The following SCEL variants were observed in gnomAD, a reference collection of about 807,000 sequenced individuals.
The protein encoded by SCEL is sciellin.
SCEL carries 113 observed loss-of-function variants against 117.6 expected under a neutral mutation model. The ratio of observed to expected loss-of-function variants is 0.96; its 90% CI spans 0.83 to 1.12. SCEL has a LOEUF of 1.12. Ranked by LOEUF, SCEL falls within the 50% of genes most tolerant of loss-of-function variation. The pLI is 0.00. For synonymous variants in SCEL, 270 were observed against 256.2 expected (o/e 1.05, Z -0.51); for missense variants, 785 against 810.8 (o/e 0.97, Z 0.39).
At chr13:77,627,226 C>T (rs1323571998) in intron 27 of SCEL, among the ~76,000 whole-genome samples, 2 of 151,580 alleles carry the variant, frequency 1.3e-5, no homozygotes, top group Non-Finnish European at 2.9e-5. Context: ...TTGACTCTTC[C>T]AAAAATTAAT....
In SCEL at chr13:77,610,033, T is replaced by C. The variant is rs1467598938; in HGVS notation, c.1278-14T>C. The C allele has an allele frequency of 6.3e-7, 1 of 1,595,480 alleles. No individual in the cohort carries two copies. Among genetic ancestry groups the C allele is most frequent in the Non-Finnish European group, 8.6e-7 (1 of 1,166,894 alleles). ...TTTAAATCTACCACTGATCTGATTTTCTATGTTTTTAAGGGGCCAAAGTCT... is the reference window on the plus strand; with the variant it reads ...TTTAAATCTACCACTGATCTGATTTCCTATGTTTTTAAGGGGCCAAAGTCT... On this transcript the variant is annotated splice_polypyrimidine_tract_variant and intron_variant, in intron 21 of 32. Coordinates refer to ENST00000349847, the MANE Select transcript of SCEL (RefSeq NM_144777.3).
chr13:77,563,545 G>A (rs1399669381), intron 4 of SCEL, among the ~76,000 whole-genome samples: 1 of 152,150 alleles, frequency 6.6e-6, no homozygotes, highest in Non-Finnish European at 1.5e-5. Flanking sequence ...TGTTTGTTGT[G>A]TTGTATGATT....
At chr13:77,641,631 G>C (rs1024097534) in intron 31 of SCEL, among the ~76,000 whole-genome samples, 13 of 152,110 alleles carry the variant, frequency 8.5e-5, no homozygotes, top group African/African-American at 3.1e-4. Context: ...TGATTATTGG[G>C]CATTGGTATT....
rs1182056310 is a variant in SCEL at position 77,574,035 on chromosome 13, A to C, written c.545+1846A>C. Among the ~76,000 whole-genome samples, 3 of 152,222 alleles carry C rather than the reference A, an allele frequency of 2.0e-5. No individual in the cohort carries two copies. The East Asian group carries it at 5.8e-4, about 29-fold the overall frequency. Reference sequence around the variant, plus strand: ...GATCCATTCAATTTTGTCTTGATAGAGAATAACTGGTACTTTTCTTAGATA... The same window carrying C: ...GATCCATTCAATTTTGTCTTGATAGCGAATAACTGGTACTTTTCTTAGATA... On this transcript the variant is annotated intron_variant, in intron 9 of 32. Coordinates refer to ENST00000349847, the MANE Select transcript of SCEL (RefSeq NM_144777.3).
intron 15 of SCEL, among the ~76,000 whole-genome samples, chr13:77,601,167 T>G (rs1032660736): frequency 2.7e-5 from 4 of 150,174 alleles, no homozygotes; most frequent in African/African-American, 9.9e-5. Context: ...ATAGATGAGG[T>G]TCCAGATATT....
At chr13:77,612,782 T>C in intron 22 of SCEL, 109 bp from the exon 23 acceptor site, 1 of 586,986 alleles carries the variant, frequency 1.7e-6, no homozygotes, top group Non-Finnish European at 2.9e-6. Context: ...AGTTTAAGTA[T>C]AGATGAAGTT....
intron 9 of SCEL, among the ~76,000 whole-genome samples, chr13:77,580,552 A>T (rs569086913): frequency 6.6e-6 from 1 of 152,334 alleles, no homozygotes; most frequent in South Asian, 2.1e-4. Context: ...GGTAAATTCA[A>T]ATGATTCTAA....
At chr13:77,617,493 C>A in intron 24 of SCEL, 106 bp from the exon 25 acceptor site, 1 of 650,410 alleles carries the variant, frequency 1.5e-6, no homozygotes. Flanking sequence ...TTAGTCAATA[C>A]TAAAATAATA....
chr13:77,637,267 T>C (rs2016417), intron 30 of SCEL, 73 bp downstream of exon 30: 272,086 of 388,120 alleles, frequency 0.7, 98,098 homozygotes, highest in Non-Finnish European at 0.76. Context: ...TATATATATA[T>C]ACACACACAC....
At position 77,608,098 on chromosome 13, in the gene SCEL, A is replaced by G. The variant is rs2088356227; in HGVS notation, c.1200A>G (p.Val400=). Residue 400 remains valine (V), a synonymous_variant, in exon 20 of 33, where the codon GTA becomes GTG. Coordinates refer to ENST00000349847, the MANE Select transcript of SCEL (RefSeq NM_144777.3). ...LDNLIKVTPE[V]KRSNQGSKDL... Reference sequence around the variant, plus strand: ...ATCTCATCAAAGTGACCCCTGAAGTAAAGAGAAGTAACCAAGGGTGAGGAC... The same window carrying G: ...ATCTCATCAAAGTGACCCCTGAAGTGAAGAGAAGTAACCAAGGGTGAGGAC... 2.5e-6 allele frequency: 4 copies of G among 1,613,046 alleles called. No homozygotes were observed. In the African/African-American group the frequency reaches 4.0e-5, roughly 16 times the overall value.
chr13:77,614,032 C>A (rs569928230), intron 24 of SCEL, 77 bp downstream of exon 24: 741 of 1,170,620 alleles, frequency 6.3e-4, no homozygotes, highest in Non-Finnish European at 8.3e-4. Context: ...TAGAATTATT[C>A]TATGGGCAAA....
intron 28 of SCEL, among the ~76,000 whole-genome samples, chr13:77,633,202 C>A (rs929425896): frequency 4.0e-5 from 6 of 148,616 alleles, no homozygotes; most frequent in Non-Finnish European, 8.9e-5. Flanking sequence ...TTTGGGAGGC[C>A]GAGGCGGGTG....
In SCEL at chr13:77,644,323, G is replaced by A; in HGVS notation, c.*49G>A. Reference sequence around the variant, plus strand: ...GAAAAGCACTCATTAAGGAATTAAAGTTACAAGTTTTATCTTAATAATATG... The same window carrying A: ...GAAAAGCACTCATTAAGGAATTAAAATTACAAGTTTTATCTTAATAATATG... On this transcript the variant is annotated 3_prime_UTR_variant, in exon 33 of 33. Transcript: ENST00000349847. 1 of 1,581,970 alleles carries A rather than the reference G, an allele frequency of 6.3e-7. No homozygotes were observed. The highest frequency in any genetic ancestry group is 8.7e-7 in the Non-Finnish European group (1 of 1,153,068).
intron 29 of SCEL, among the ~76,000 whole-genome samples, chr13:77,636,159 T>C (rs1332383074): frequency 6.6e-6 from 1 of 152,224 alleles, no homozygotes; most frequent in Non-Finnish European, 1.5e-5. Context: ...TGGTACAGTA[T>C]GGAGTCCCAA....
intron 28 of SCEL, among the ~76,000 whole-genome samples, chr13:77,633,175 G>A (rs919330252): frequency 2.0e-5 from 3 of 150,804 alleles, no homozygotes; most frequent in Non-Finnish European, 4.4e-5. Context: ...GGTGGCTCAC[G>A]CCTGTAATCC....
chr13:77,561,355 C>G (rs1023547417), intron 4 of SCEL, among the ~76,000 whole-genome samples: 4 of 152,152 alleles, frequency 2.6e-5, no homozygotes, highest in African/African-American at 4.8e-5. Context: ...TTTCCTGAAC[C>G]CTTCCTCATG....
Position 77,634,244 on chromosome 13 carries a change from A to T in SCEL, c.1692-135A>T, listed in dbSNP as rs567177839. 4.1e-5 allele frequency: 32 copies of T among 778,492 alleles called. No homozygotes were observed. The African/African-American group carries it at 5.4e-4, about 13-fold the overall frequency. The allele number at this position is 778,492 out of a possible 1,614,324, so 48.2% of individuals were successfully genotyped here. A position where few individuals can be genotyped will look rare whatever the true frequency, so the allele number is the denominator to read the frequency against. The stretch of plus-strand genomic sequence containing the variant: ...TGCAGTGCTGTGTTAATACCACTCT[A>T]ACATTCATGTTTCAAAGTTATAGTT... On this transcript the variant is annotated intron_variant, in intron 28 of 32. Transcript: ENST00000349847.
At chr13:77,567,861 C>T (rs1030685897) in intron 6 of SCEL, 113 bp downstream of exon 6, 4 of 685,168 alleles carry the variant, frequency 5.8e-6, no homozygotes, top group Non-Finnish European at 9.9e-6. Flanking sequence ...AATTCTTAGT[C>T]TCTATCATTA....
chr13:77,631,776 T>C (rs372417521), intron 28 of SCEL, among the ~76,000 whole-genome samples: 1 of 152,242 alleles, frequency 6.6e-6, no homozygotes, highest in African/African-American at 2.4e-5. Flanking sequence ...CATGAAGGCA[T>C]TGTCATTAAT....
Sources: gnomAD v4.1 joint callset for allele counts (sites outside exome capture counted in the v4.1 genomes callset) on GRCh38, gnomAD v4.1.1 for gene constraint, MANE v1.5 for transcripts, NCBI Gene and HGNC (gene_info 2026-07-23, HGNC 2026-07-21) for gene names.